LRRC1: variants seen among roughly 807,000 people sequenced by gnomAD.
LRRC1 encodes the protein leucine rich repeat containing 1.
Under a neutral mutation model 69.9 loss-of-function variants are expected in LRRC1, and 28 were observed. The observed-to-expected ratio is 0.40, with a 90% CI of 0.30 to 0.55. LRRC1 has a LOEUF of 0.55. LRRC1 is among the 20% of genes least tolerant of loss of function. The pLI is 0.47. For synonymous variants in LRRC1, 236 were observed against 240.2 expected (o/e 0.98, Z 0.16); for missense variants, 498 against 609.0 (o/e 0.82, Z 1.92).
At chr6:53,836,277 C>T (rs193056075) in intron 1 of LRRC1, among the ~76,000 whole-genome samples, 8 of 152,268 alleles carry the variant, frequency 5.3e-5, no homozygotes, top group South Asian at 2.1e-4. Flanking sequence ...CGCACAGAAA[C>T]GTGAGGAATA....
intron 4 of LRRC1, among the ~76,000 whole-genome samples, 171 bp from the exon 5 acceptor site, chr6:53,896,327 T>C (rs1767870866): frequency 6.6e-6 from 1 of 152,188 alleles, no homozygotes; most frequent in Non-Finnish European, 1.5e-5. Flanking sequence ...AGAGATGGTA[T>C]TGTTTTTAAT....
Position 53,922,756 on chromosome 6 carries a change from T to C in LRRC1, c.1538T>C (p.Val513Ala). 1.9e-6 allele frequency: 3 copies of C among 1,613,736 alleles called. No individual in the cohort carries two copies. The highest frequency in any genetic ancestry group is 2.5e-6 in the Non-Finnish European group (3 of 1,179,870). ...GGACTGGACTCAAACAAAAACGAGG[T>C]CAATCATGCCATTGACCGAGTGACC... ...AKGLDSNKNEVNHAIDRVTTS... is the reference protein window; with the variant it reads ...AKGLDSNKNEANHAIDRVTTS... Residue 513 changes from valine to alanine, a missense_variant, in exon 14 of 14, where the codon GTC becomes GCC. This residue lies in a region of LRRC1 where 162 missense variants were observed against 162.9 expected (regional missense o/e 0.99). Transcript: ENST00000370888.
intron 1 of LRRC1, among the ~76,000 whole-genome samples, chr6:53,800,973 G>A (rs1764468463): frequency 6.6e-6 from 1 of 152,202 alleles, no homozygotes. Flanking sequence ...CACAGATTCT[G>A]TGACATCTTG....
Position 53,795,362 on chromosome 6 carries a change from C to G in LRRC1, c.106C>G (p.Arg36Gly), listed in dbSNP as rs755914646. Residue 36 changes from arginine to glycine, a missense_variant, in exon 1 of 14, where the codon CGG (arginine) becomes GGG (glycine). Physicochemically the swap from Arg to Gly is moderately radical, Grantham distance 125 (BLOSUM62 -2). This residue lies in a region of LRRC1 where 70 missense variants were observed against 62.1 expected (regional missense o/e 1.13). Transcript: ENST00000370888. ...CCCCGAGGAGATCTACCGCTATGCC[C>G]GGAGCCTGGAGGAGCTGCTGCTGGA... is the stretch of plus-strand genomic sequence containing the variant. ...YVPEEIYRYA[R>G]SLEELLLDAN... The G allele has an allele frequency of 1.2e-6, 2 of 1,613,666 alleles. No individual in the cohort carries two copies. Among genetic ancestry groups the G allele is most frequent in the East Asian group, 2.2e-5 (1 of 44,866 alleles).
At chr6:53,912,184 C>A (rs1562072651) in intron 10 of LRRC1, among the ~76,000 whole-genome samples, 2 of 152,150 alleles carry the variant, frequency 1.3e-5, no homozygotes. Context: ...TGTACATAAA[C>A]ATGTGCAAAT....
intron 3 of LRRC1, among the ~76,000 whole-genome samples, chr6:53,880,388 C>T (rs1026490715): frequency 1.3e-5 from 2 of 152,166 alleles, no homozygotes; most frequent in African/African-American, 4.8e-5. Flanking sequence ...TAAAACCTTT[C>T]TATAGCTCCC....
intron 4 of LRRC1, among the ~76,000 whole-genome samples, chr6:53,892,958 T>G (rs1389301914): frequency 1.3e-5 from 2 of 152,232 alleles, no homozygotes; most frequent in Non-Finnish European, 2.9e-5. Context: ...CTTTGTTTGC[T>G]TTCTATTTCT....
At chr6:53,860,972 G>A (rs946045928) in intron 2 of LRRC1, among the ~76,000 whole-genome samples, 2 of 152,020 alleles carry the variant, frequency 1.3e-5, no homozygotes, top group Admixed American at 6.6e-5. Context: ...ATAAGTGGGC[G>A]CTAAACACTG....
chr6:53,798,255 T>A (rs1200955067), intron 1 of LRRC1, among the ~76,000 whole-genome samples: 1 of 152,238 alleles, frequency 6.6e-6, no homozygotes, highest in Non-Finnish European at 1.5e-5. Flanking sequence ...ACCATCCTTT[T>A]TGCATCCACC....
chr6:53,874,594 A>G (rs924280316), intron 2 of LRRC1, among the ~76,000 whole-genome samples: 1 of 152,186 alleles, frequency 6.6e-6, no homozygotes, highest in Non-Finnish European at 1.5e-5. Context: ...TCTTTCATGT[A>G]GCATCTGATT....
intron 1 of LRRC1, among the ~76,000 whole-genome samples, chr6:53,826,197 C>CTT (rs58959665): frequency 5.1e-5 from 7 of 138,406 alleles, no homozygotes; most frequent in African/African-American, 1.9e-4. Flanking sequence ...ACATATCTGC[C>CTT]TTTTTTTTTT....
intron 2 of LRRC1, among the ~76,000 whole-genome samples, chr6:53,844,519 AAGGGCTCC>A (rs1176681227): frequency 6.6e-6 from 1 of 152,210 alleles, no homozygotes; most frequent in Non-Finnish European, 1.5e-5. Context: ...AGCTAGAAAG[AAGGGCTCC>A]ATGCATCTTC....
At chr6:53,821,804 A>G (rs1490160805) in intron 1 of LRRC1, among the ~76,000 whole-genome samples, 1 of 151,836 alleles carries the variant, frequency 6.6e-6, no homozygotes, top group Non-Finnish European at 1.5e-5. Context: ...GACCATTTAC[A>G]GATGCAACAT....
chr6:53,806,209 C>T (rs780566729), intron 1 of LRRC1, among the ~76,000 whole-genome samples: 1 of 152,196 alleles, frequency 6.6e-6, no homozygotes, highest in Non-Finnish European at 1.5e-5. Context: ...CTCATCAGAG[C>T]GAGTTTCTTA....
chr6:53,802,304 C>G (rs1764509336), intron 1 of LRRC1, among the ~76,000 whole-genome samples: 1 of 152,098 alleles, frequency 6.6e-6, no homozygotes, highest in South Asian at 2.1e-4. Flanking sequence ...TGGTTTAGGC[C>G]AGAGGAAAAG....
chr6:53,845,224 G>A (rs554893078), intron 2 of LRRC1, among the ~76,000 whole-genome samples: 10 of 152,186 alleles, frequency 6.6e-5, no homozygotes, highest in Non-Finnish European at 1.0e-4. Context: ...AAGAAAGAAC[G>A]AATCTGTGCA....
intron 1 of LRRC1, among the ~76,000 whole-genome samples, chr6:53,806,422 T>C (rs1164948795): frequency 6.6e-6 from 1 of 152,150 alleles, no homozygotes; most frequent in Non-Finnish European, 1.5e-5. Flanking sequence ...CTATAGTCCT[T>C]GTGTGTATGG....
chr6:53,805,190 G>A (rs759653640), intron 1 of LRRC1, among the ~76,000 whole-genome samples: 25 of 152,206 alleles, frequency 1.6e-4, no homozygotes, highest in Non-Finnish European at 2.4e-4. Flanking sequence ...CATGCCAAGA[G>A]TTGCTATGCT....
intron 3 of LRRC1, 109 bp downstream of exon 3, chr6:53,879,180 C>CT: frequency 1.5e-6 from 1 of 674,298 alleles, no homozygotes; most frequent in South Asian, 1.7e-5. Context: ...AGATGGATCA[C>CT]TGTCTTTATC....
Sources: allele counts gnomAD v4.1 joint callset (sites outside exome capture counted in the v4.1 genomes callset), GRCh38; gene constraint gnomAD v4.1.1; regional missense constraint gnomAD v4.1.1; transcripts MANE v1.5; gene names NCBI Gene and HGNC (gene_info 2026-07-23, HGNC 2026-07-21).